The following FRYL variants were observed in gnomAD, a reference collection of about 807,000 sequenced individuals.
FRYL encodes the protein FRY like transcription coactivator.
In FRYL, 150 loss-of-function variants were observed where a neutral mutation model predicts 351.2. The ratio of observed to expected loss-of-function variants is 0.43; its 90% CI spans 0.37 to 0.49. FRYL has a LOEUF of 0.49. Ranked by LOEUF, FRYL falls within the 20% of genes least tolerant of loss-of-function variation. The pLI, the probability that FRYL is intolerant of heterozygous loss-of-function variation, is 0.00. For missense variants in FRYL, 3,036 were observed against 3,619.3 expected, an observed-to-expected ratio of 0.84 and a Z score of 4.13; for synonymous variants, 1,153 against 1,257.1, an observed-to-expected ratio of 0.92 and a Z score of 1.75.
intron 5 of FRYL, among the ~76,000 whole-genome samples, chr4:48,622,484 C>T (rs1223087160): frequency 6.6e-6 from 1 of 152,158 alleles, no homozygotes; most frequent in African/African-American, 2.4e-5. Context: ...GATCCAGGAA[C>T]ACAGTATTTT....
chr4:48,666,939 T>C (rs1761812144), intron 3 of FRYL, among the ~76,000 whole-genome samples: 1 of 152,202 alleles, frequency 6.6e-6, no homozygotes, highest in Non-Finnish European at 1.5e-5. Context: ...ATTACTATGA[T>C]TTACTTTGTA....
chr4:48,541,055 A>G, intron 45 of FRYL, 95 bp from the exon 46 acceptor site: 1 of 1,227,160 alleles, frequency 8.1e-7, no homozygotes, highest in Non-Finnish European at 1.1e-6. Context: ...AGTAACTGGT[A>G]CCAGAAAAAT....
At chr4:48,722,936 C>G (rs1169775450) in intron 1 of FRYL, among the ~76,000 whole-genome samples, 2 of 152,148 alleles carry the variant, frequency 1.3e-5, no homozygotes, top group Non-Finnish European at 2.9e-5. Context: ...TACACCAATT[C>G]TCTCTTAATA....
chr4:48,547,664 A>T lies in FRYL; in HGVS notation c.4994T>A (p.Val1665Asp), dbSNP rs746515318. ...PNSNIRTVAS[V>D]LLRNKEFNEP... ...ATTAAACTCCTTGTTCCTGAGAAGG[A>T]CAGAAGCAACAGTTCGGATGTTACT... is the stretch of plus-strand genomic sequence containing the variant. Residue 1665 changes from valine (V) to aspartate (D), a missense_variant, in exon 41 of 64, where the codon GTC (valine) becomes GAC (aspartate). Transcript: ENST00000358350. The T allele has an allele frequency of 2.5e-6, 4 of 1,608,646 alleles. No individual in the cohort carries two copies. The South Asian group carries it at 4.4e-5, about 18-fold the overall frequency.
chr4:48,741,437 G>C (rs1240923395), intron 1 of FRYL, among the ~76,000 whole-genome samples: 2 of 152,162 alleles, frequency 1.3e-5, no homozygotes, highest in Admixed American at 6.5e-5. Flanking sequence ...CTACTCAGGA[G>C]GCTGAGGCAG....
chr4:48,509,093 AT>A (rs1721930158), intron 59 of FRYL, among the ~76,000 whole-genome samples: 1 of 152,192 alleles, frequency 6.6e-6, no homozygotes, highest in African/African-American at 2.4e-5. Flanking sequence ...AACCATAACC[AT>A]GATGGAAAAG....
Position 48,586,665 on chromosome 4 carries a change from A to G in FRYL, c.1704T>C (p.Ile568=). Residue 568 remains isoleucine (I), a synonymous_variant, in exon 19 of 64, where the codon ATT becomes ATC. Coordinates refer to ENST00000358350, the MANE Select transcript of FRYL (RefSeq NM_015030.2). ...GGTCAGTTCTGCTCATACCGTCAGG[A>G]ATCAACCTTGGAATCGCAGCAATAC... The part of the protein sequence containing the change: ...RTCIAAIPRL[I]PDGMSRTDLI... The G allele has an allele frequency of 6.2e-7, 1 of 1,612,294 alleles. No individual in the cohort carries two copies. Among genetic ancestry groups the G allele is most frequent in the East Asian group, 2.2e-5 (1 of 44,722 alleles).
rs753294430 is a variant in FRYL at position 48,605,808 on chromosome 4, A to G, written c.767T>C (p.Val256Ala). ...TGCATGTTTTATATCTTTATCTTTCACTTCTAAGAAATACTGAGCACATTC... is the reference window on the plus strand; with the variant it reads ...TGCATGTTTTATATCTTTATCTTTCGCTTCTAAGAAATACTGAGCACATTC... ...MQECAQYFLEVKDKDIKHALA... is the reference protein window; with the variant it reads ...MQECAQYFLEAKDKDIKHALA... Residue 256 changes from valine (V) to alanine (A), a missense_variant, in exon 11 of 64, where the codon GTG becomes GCG. Val to Ala is a moderately conservative substitution (Grantham distance 64). This residue lies in a region of FRYL where 457 missense variants were observed against 566.6 expected (regional missense o/e 0.81). Coordinates refer to ENST00000358350, the MANE Select transcript of FRYL (RefSeq NM_015030.2). 6 of 1,602,222 alleles carry G rather than the reference A, an allele frequency of 3.7e-6. No individual in the cohort carries two copies. The highest frequency in any genetic ancestry group is 5.1e-6 in the Non-Finnish European group (6 of 1,170,098).
chr4:48,738,494 T>TTTG (rs1054139550), intron 1 of FRYL, among the ~76,000 whole-genome samples: 6 of 151,864 alleles, frequency 4.0e-5, no homozygotes, highest in South Asian at 2.1e-4. Context: ...GACTCAAGCT[T>TTTG]TTGTTGTTGT....
chr4:48,746,349 G>A (rs113500318), intron 1 of FRYL, among the ~76,000 whole-genome samples: 3 of 151,998 alleles, frequency 2.0e-5, no homozygotes, highest in East Asian at 1.9e-4. Context: ...GGCGGATCAC[G>A]AGGTCAGGAG....
intron 59 of FRYL, chr4:48,506,712 A>G (rs1721133656): frequency 6.9e-6 from 1 of 144,770 alleles, no homozygotes; most frequent in Non-Finnish European, 1.5e-5. Context: ...TGCATTAAGC[A>G]GCTACTCTGA....
At chr4:48,712,249 T>G (rs1768151655) in intron 1 of FRYL, among the ~76,000 whole-genome samples, 1 of 151,994 alleles carries the variant, frequency 6.6e-6, no homozygotes, top group Admixed American at 6.6e-5. Context: ...AGAAGAAGGC[T>G]TCAGACGATC....
intron 1 of FRYL, among the ~76,000 whole-genome samples, chr4:48,712,878 C>G (rs1348234712): frequency 2.0e-5 from 3 of 152,200 alleles, no homozygotes; most frequent in Non-Finnish European, 4.4e-5. Flanking sequence ...AACAGCGGAT[C>G]TCTCAGCAGA....
rs777182529 is a variant in FRYL at position 48,595,583 on chromosome 4, C to G, written c.1248+7G>C. Reference sequence around the variant, plus strand: ...TATACATACATACTATGAGATGAAGCACTCACCTGAGCAATGAACTGAATA... The same window carrying G: ...TATACATACATACTATGAGATGAAGGACTCACCTGAGCAATGAACTGAATA... On this transcript the variant is annotated splice_region_variant and intron_variant, in intron 15 of 63. Coordinates refer to ENST00000358350, the MANE Select transcript of FRYL (RefSeq NM_015030.2). 2 of 1,498,126 alleles carry G rather than the reference C, an allele frequency of 1.3e-6. No homozygotes were observed. The highest frequency in any genetic ancestry group is 4.5e-5 in the East Asian group (2 of 44,130). The allele number at this position is 1,498,126 out of a possible 1,614,324, so 92.8% of individuals were successfully genotyped here.
At chr4:48,575,025 G>T in intron 25 of FRYL, 92 bp downstream of exon 25, 3 of 1,244,596 alleles carry the variant, frequency 2.4e-6, no homozygotes, top group South Asian at 1.4e-5. Flanking sequence ...CACTCTGCTT[G>T]ACCCTACCAC....
rs530519782 is a variant in FRYL at position 48,780,142 on chromosome 4, C to T, written c.-448G>A. On this transcript the variant is annotated 5_prime_UTR_variant, in exon 1 of 64. Transcript: ENST00000358350. Reference sequence around the variant, plus strand: ...GCCGCCGGTCCCCGCCCTCGGGCCCCTGGCTCCGTTCTCTTGACAATGGCG... The same window carrying T: ...GCCGCCGGTCCCCGCCCTCGGGCCCTTGGCTCCGTTCTCTTGACAATGGCG... 3.5e-4 allele frequency: 54 copies of T among 155,164 alleles called. No homozygotes were observed. Among genetic ancestry groups the T allele is most frequent in the African/African-American group, 1.2e-3 (52 of 41,620 alleles). 9.6% of individuals were successfully genotyped at this position (155,164 alleles called of 1,614,324 possible).
Position 48,780,232 on chromosome 4 carries a change from T to C in FRYL, c.-538A>G, listed in dbSNP as rs58185614. The stretch of plus-strand genomic sequence containing the variant: ...GGTTAAACCTCCCTCCGACTCTGAT[T>C]TTAACCGGATTTCTCTCTCGCTCTC... On this transcript the variant is annotated 5_prime_UTR_variant, in exon 1 of 64. Transcript: ENST00000358350. 1,312 of 152,672 alleles carry C rather than the reference T, an allele frequency of 8.6e-3. 107 individuals are homozygous for C. The East Asian group carries it at 0.19, about 22-fold the overall frequency. The allele number at this position is 152,672 out of a possible 1,614,324, so 9.5% of individuals were successfully genotyped here. A position where few individuals can be genotyped will look rare whatever the true frequency, so the allele number is the denominator to read the frequency against.
At chr4:48,613,878 C>T (rs1264715225) in intron 7 of FRYL, among the ~76,000 whole-genome samples, 1 of 151,514 alleles carries the variant, frequency 6.6e-6, no homozygotes, top group Non-Finnish European at 1.5e-5. Flanking sequence ...ATTGCTTAAA[C>T]CCAAGAGGTG....
At chr4:48,729,456 G>A (rs2149623346) in intron 1 of FRYL, among the ~76,000 whole-genome samples, 1 of 152,326 alleles carries the variant, frequency 6.6e-6, no homozygotes, top group East Asian at 1.9e-4. Context: ...TGACCCCTGT[G>A]TAGCCTGACT....
Sources: gnomAD v4.1 joint callset for allele counts (sites outside exome capture counted in the v4.1 genomes callset) on GRCh38, gnomAD v4.1.1 for gene constraint, gnomAD v4.1.1 regional missense constraint, MANE v1.5 for transcripts, NCBI Gene and HGNC (gene_info 2026-07-23, HGNC 2026-07-21) for gene names.